DIAPH2: variants seen among roughly 807,000 people sequenced by gnomAD.
The protein encoded by DIAPH2 is diaphanous related formin 2, also known as protein diaphanous homolog 2.
DIAPH2 carries 35 observed loss-of-function variants against 92.7 expected under a neutral mutation model. The observed-to-expected ratio is 0.38, with a 90% CI of 0.29 to 0.50. DIAPH2 has a LOEUF of 0.50. DIAPH2 is among the 20% of genes least tolerant of loss of function. The pLI is 0.94. For synonymous variants in DIAPH2, 301 were observed against 280.4 expected, an observed-to-expected ratio of 1.07 and a Z score of -0.73; for missense variants, 701 against 819.5, an observed-to-expected ratio of 0.86 and a Z score of 1.77.
intron 4 of DIAPH2, among the ~76,000 whole-genome samples, chrX:96,778,646 C>G (rs941367224): frequency 6.9e-4 from 77 of 111,698 alleles, no homozygotes; most frequent in African/African-American, 2.5e-3. Context: ...TTTCTAGAAT[C>G]TAATCAAGGA....
chrX:96,722,863 T>G (rs921756113), intron 1 of DIAPH2, among the ~76,000 whole-genome samples: 12 of 111,988 alleles, frequency 1.1e-4, no homozygotes, highest in Non-Finnish European at 5.6e-5. Context: ...CATTGTTGGC[T>G]ACTGGCGACT....
At chrX:97,511,057 G>A (rs1477972188) in intron 26 of DIAPH2, among the ~76,000 whole-genome samples, 1 of 105,672 alleles carries the variant, frequency 9.5e-6, no homozygotes, top group Non-Finnish European at 2.0e-5. Context: ...AAAGTCATTG[G>A]TAGCTTGATG....
chrX:97,206,838 G>A (rs906775533), intron 22 of DIAPH2, among the ~76,000 whole-genome samples: 1 of 111,458 alleles, frequency 9.0e-6, no homozygotes, highest in Admixed American at 9.6e-5. Context: ...GAACACTCAG[G>A]CGTATATACT....
At chrX:97,331,826 A>G (rs2069004349) in intron 23 of DIAPH2, among the ~76,000 whole-genome samples, 1 of 111,993 alleles carries the variant, frequency 8.9e-6, no homozygotes, top group Non-Finnish European at 1.9e-5. Flanking sequence ...TGATCTTCAA[A>G]CTAGACAACT....
intron 22 of DIAPH2, among the ~76,000 whole-genome samples, chrX:97,151,277 T>G (rs994301256): frequency 7.2e-5 from 8 of 111,549 alleles, no homozygotes; most frequent in African/African-American, 2.6e-4. Context: ...AACCAAGCGG[T>G]TTTTAAAAGC....
chrX:96,816,306 T>C (rs2064734400), intron 4 of DIAPH2, among the ~76,000 whole-genome samples: 1 of 112,098 alleles, frequency 8.9e-6, no homozygotes, highest in Non-Finnish European at 1.9e-5. Flanking sequence ...GCAGATATCA[T>C]TTGGAGATAC....
At chrX:97,457,429 T>C (rs898455644) in intron 26 of DIAPH2, among the ~76,000 whole-genome samples, 1 of 112,982 alleles carries the variant, frequency 8.9e-6, no homozygotes, top group Admixed American at 9.3e-5. Context: ...TAATTATCAA[T>C]TATTCATCAA....
chrX:96,772,993 T>C (rs1230457197), intron 4 of DIAPH2, among the ~76,000 whole-genome samples: 2 of 112,276 alleles, frequency 1.8e-5, no homozygotes, highest in East Asian at 5.6e-4. Flanking sequence ...GTGTGATTGG[T>C]GTCTGTATCC....
At chrX:96,978,992 G>T (rs2065978583) in intron 17 of DIAPH2, among the ~76,000 whole-genome samples, 2 of 111,575 alleles carry the variant, frequency 1.8e-5, no homozygotes, top group South Asian at 7.6e-4. Context: ...CTCTCAGTAG[G>T]GCAGCTCATA....
intron 4 of DIAPH2, among the ~76,000 whole-genome samples, chrX:96,785,007 A>T (rs2064444912): frequency 8.9e-6 from 1 of 112,038 alleles, no homozygotes; most frequent in South Asian, 3.7e-4. Context: ...TGCTTTTCTC[A>T]TTTATAAAAT....
chrX:96,811,199 G>A (rs933660239), intron 4 of DIAPH2, among the ~76,000 whole-genome samples: 15 of 111,394 alleles, frequency 1.3e-4, no homozygotes, highest in South Asian at 3.8e-4. Context: ...TTCATTGAGC[G>A]GTGGTTGGAG....
At chrX:96,967,941 G>A (rs2065903917) in intron 17 of DIAPH2, among the ~76,000 whole-genome samples, 1 of 111,445 alleles carries the variant, frequency 9.0e-6, no homozygotes, top group African/African-American at 3.3e-5. Flanking sequence ...TAGAATGGTA[G>A]TTCTGTTTTA....
chrX:97,280,183 A>G (rs764505898), intron 23 of DIAPH2, among the ~76,000 whole-genome samples: 30 of 111,277 alleles, frequency 2.7e-4, no homozygotes, highest in African/African-American at 8.1e-4. Flanking sequence ...ATTTTTAATA[A>G]TAGACTTGCA....
intron 16 of DIAPH2, among the ~76,000 whole-genome samples, chrX:96,959,197 A>C (rs1425086040): frequency 9.0e-6 from 1 of 111,462 alleles, no homozygotes; most frequent in Non-Finnish European, 1.9e-5. Context: ...ATTTTTGAGA[A>C]ATCTTTATAG....
chrX:97,428,572 C>G (rs1194586172), intron 25 of DIAPH2, among the ~76,000 whole-genome samples: 1 of 111,078 alleles, frequency 9.0e-6, no homozygotes, highest in African/African-American at 3.3e-5. Flanking sequence ...TTTGTGATCT[C>G]ATACCCCATA....
intron 26 of DIAPH2, among the ~76,000 whole-genome samples, chrX:97,448,466 C>T (rs1602596613): frequency 9.0e-6 from 1 of 111,682 alleles, no homozygotes; most frequent in East Asian, 2.8e-4. Context: ...ATTTATATTA[C>T]CGACTACCTG....
intron 17 of DIAPH2, among the ~76,000 whole-genome samples, chrX:96,971,436 G>A (rs1354450466): frequency 9.0e-6 from 1 of 111,317 alleles, no homozygotes; most frequent in Non-Finnish European, 1.9e-5. Context: ...GTGTATGTGT[G>A]TGTGTGTGGG....
At chrX:97,409,582 G>A (rs1321193089) in intron 25 of DIAPH2, among the ~76,000 whole-genome samples, 1 of 111,859 alleles carries the variant, frequency 8.9e-6, no homozygotes, top group Non-Finnish European at 1.9e-5. Flanking sequence ...CCTCACCCGG[G>A]AAGCACAAGG....
At chrX:97,393,510 T>A (rs1243383831) in intron 25 of DIAPH2, among the ~76,000 whole-genome samples, 1 of 111,926 alleles carries the variant, frequency 8.9e-6, no homozygotes, top group East Asian at 2.8e-4. Flanking sequence ...GCAACAAAAA[T>A]ATGCTAAGTC....
Sources: gnomAD v4.1 joint callset for allele counts (sites outside exome capture counted in the v4.1 genomes callset) on GRCh38, gnomAD v4.1.1 for gene constraint, MANE v1.5 for transcripts, NCBI Gene and HGNC (gene_info 2026-07-23, HGNC 2026-07-21) for gene names.